ADGRA3: variants seen among roughly 807,000 people sequenced by gnomAD.
The protein encoded by ADGRA3 is G-protein coupled receptor 125.
A neutral mutation model predicts 119.8 loss-of-function variants in ADGRA3; 56 were observed. The ratio of observed to expected loss-of-function variants is 0.47; its 90% CI spans 0.38 to 0.58. The LOEUF (loss-of-function observed/expected upper bound fraction) is 0.58. Among genes scored for constraint, ADGRA3 ranks in the 20% least tolerant of loss-of-function variants. The probability of loss-of-function intolerance (pLI) is 0.00; values close to 1 mark genes in which losing one functional copy is unlikely to be tolerated. For synonymous variants in ADGRA3, 607 were observed against 623.8 expected (o/e 0.97, Z 0.40); for missense variants, 1,516 against 1,649.0 (o/e 0.92, Z 1.40).
Position 22,421,055 on chromosome 4 carries a change from A to G in ADGRA3, c.1640T>C (p.Ile547Thr), listed in dbSNP as rs1474425391. ...CATCCCCGTGAAGCCAGTAGACTTG[A>G]TGACATAAGCTTCCAGAGCAATATT... ...SPNIALEAYV[I>T]KSTGFTGMTC... Residue 547 changes from isoleucine to threonine, a missense_variant, in exon 12 of 19, where the codon ATC (isoleucine) becomes ACC (threonine). Around this residue, in one of 2 missense-constraint regions of ADGRA3, gnomAD observed 1,088 missense variants for 1,107.1 expected, o/e 0.98. Transcript: ENST00000334304. 6.2e-7 allele frequency: 1 copy of G among 1,614,032 alleles called. No individual in the cohort carries two copies. The highest frequency in any genetic ancestry group is 2.2e-5 in the East Asian group (1 of 44,882).
chr4:22,489,140 C>T (rs575499138), intron 1 of ADGRA3, among the ~76,000 whole-genome samples: 2 of 152,226 alleles, frequency 1.3e-5, no homozygotes, highest in South Asian at 4.1e-4. Flanking sequence ...AGGTGAAAGG[C>T]ACATCCTACA....
At chr4:22,494,314 T>C (rs1210775677) in intron 1 of ADGRA3, among the ~76,000 whole-genome samples, 1 of 151,900 alleles carries the variant, frequency 6.6e-6, no homozygotes, top group Non-Finnish European at 1.5e-5. Context: ...TTACTCTATA[T>C]GGTCTAAAAA....
intron 16 of ADGRA3, among the ~76,000 whole-genome samples, chr4:22,397,056 A>G (rs2109000217): frequency 6.6e-6 from 1 of 152,246 alleles, no homozygotes; most frequent in East Asian, 1.9e-4. Flanking sequence ...ATGCCTTCTA[A>G]TGTGCAGACA....
At chr4:22,502,484 G>A (rs1002017615) in intron 1 of ADGRA3, among the ~76,000 whole-genome samples, 1 of 152,136 alleles carries the variant, frequency 6.6e-6, no homozygotes, top group Admixed American at 6.5e-5. Context: ...GAAATAAGAG[G>A]TAAGGAAATG....
intron 1 of ADGRA3, among the ~76,000 whole-genome samples, chr4:22,511,899 T>TTTC: frequency 7.3e-6 from 1 of 136,454 alleles, no homozygotes; most frequent in Non-Finnish European, 1.6e-5. Context: ...TTCTTTCTTT[T>TTTC]TTTTTTTTTT....
chr4:22,430,425 G>C (rs1716115572), intron 10 of ADGRA3, among the ~76,000 whole-genome samples: 1 of 152,138 alleles, frequency 6.6e-6, no homozygotes, highest in Non-Finnish European at 1.5e-5. Flanking sequence ...TTGGGAACTA[G>C]AGCAAAGGTG....
intron 14 of ADGRA3, among the ~76,000 whole-genome samples, chr4:22,403,368 G>A (rs1299546135): frequency 6.6e-6 from 1 of 152,016 alleles, no homozygotes; most frequent in Admixed American, 6.6e-5. Context: ...TGTACAATCA[G>A]ATCATAACAA....
intron 1 of ADGRA3, among the ~76,000 whole-genome samples, chr4:22,487,834 C>T (rs573093522): frequency 6.6e-4 from 100 of 152,290 alleles, no homozygotes; most frequent in African/African-American, 2.3e-3. Flanking sequence ...AACCAAGAAA[C>T]TCTCTGAAGT....
At chr4:22,513,375 C>G (rs542126232) in intron 1 of ADGRA3, among the ~76,000 whole-genome samples, 1 of 150,208 alleles carries the variant, frequency 6.7e-6, no homozygotes, top group African/African-American at 2.5e-5. Flanking sequence ...AGGCTGGTCT[C>G]GAACTCCTGA....
chr4:22,409,178 A>C (rs2109017766), intron 14 of ADGRA3, among the ~76,000 whole-genome samples: 1 of 152,284 alleles, frequency 6.6e-6, no homozygotes, highest in East Asian at 1.9e-4. Context: ...TTTTGTAAAA[A>C]TATAACCAAT....
chr4:22,390,913 T>G (rs1714108532), intron 17 of ADGRA3, among the ~76,000 whole-genome samples: 1 of 152,100 alleles, frequency 6.6e-6, no homozygotes, highest in Admixed American at 6.6e-5. Flanking sequence ...CTCTCATTTC[T>G]CTTAATAGAA....
intron 1 of ADGRA3, among the ~76,000 whole-genome samples, chr4:22,512,155 C>A (rs1201220287): frequency 6.6e-6 from 1 of 151,982 alleles, no homozygotes; most frequent in Non-Finnish European, 1.5e-5. Context: ...CCCATCTCAA[C>A]CTCCCAAAGT....
At chr4:22,418,641 TGGA>T (rs1404594448) in intron 12 of ADGRA3, among the ~76,000 whole-genome samples, 3 of 152,162 alleles carry the variant, frequency 2.0e-5, no homozygotes, top group Non-Finnish European at 4.4e-5. Flanking sequence ...GAACAGTCTC[TGGA>T]GAGACATGAG....
Position 22,442,784 on chromosome 4 carries a change from G to C in ADGRA3, c.786C>G (p.Phe262Leu). Reference sequence around the variant, plus strand: ...GATCAATATATGAAGCCATGCACTGGAAAGGAAGGCTGTCTCCTTCAAACA... The same window carrying C: ...GATCAATATATGAAGCCATGCACTGCAAAGGAAGGCTGTCTCCTTCAAACA... ...QVVFEGDSLP[F>L]QCMASYIDQD... The change falls in exon 7 of 19, where the codon TTC becomes TTG. Residue 262 changes from phenylalanine to leucine, a missense_variant. Transcript: ENST00000334304. 6.2e-7 allele frequency: 1 copy of C among 1,611,934 alleles called. No homozygotes were observed. The highest frequency in any genetic ancestry group is 1.1e-5 in the South Asian group (1 of 91,020).
rs138033772 is a variant in ADGRA3 at position 22,392,434 on chromosome 4, A to G, written c.2627+111T>C. On this transcript the variant is annotated intron_variant, in intron 17 of 18. Transcript: ENST00000334304. ...TTTTCAAAACCAGGCAGTCCTGCAT[A>G]CAAGTCCGTTCTTTTACTTCCCAAA... 5.4e-4 allele frequency: 698 copies of G among 1,289,804 alleles called. 5 individuals are homozygous for G. The African/African-American group carries it at 8.6e-3, about 16-fold the overall frequency. The allele number at this position is 1,289,804 out of a possible 1,614,324, so 79.9% of individuals were successfully genotyped here.
intron 1 of ADGRA3, among the ~76,000 whole-genome samples, chr4:22,509,599 G>T (rs1218828379): frequency 6.6e-6 from 1 of 151,714 alleles, no homozygotes; most frequent in East Asian, 1.9e-4. Context: ...CTACTCCTCT[G>T]ATGCTAGGAC....
At chr4:22,463,648 C>T (rs1683732293) in intron 2 of ADGRA3, among the ~76,000 whole-genome samples, 1 of 152,342 alleles carries the variant, frequency 6.6e-6, no homozygotes, top group Non-Finnish European at 1.5e-5. Flanking sequence ...AAGTGAACTG[C>T]TATACATGGC....
intron 1 of ADGRA3, among the ~76,000 whole-genome samples, chr4:22,508,935 G>C (rs906534004): frequency 3.9e-5 from 6 of 152,020 alleles, no homozygotes; most frequent in African/African-American, 1.4e-4. Flanking sequence ...GAAGCAACGG[G>C]GCCAAAATTC....
intron 1 of ADGRA3, among the ~76,000 whole-genome samples, chr4:22,476,671 G>GT (rs537023927): frequency 1.5e-3 from 218 of 141,042 alleles, no homozygotes; most frequent in East Asian, 5.1e-3. Flanking sequence ...TCTGTTTTGG[G>GT]TTTTTTTTTT....
Sources: allele counts gnomAD v4.1 joint callset (sites outside exome capture counted in the v4.1 genomes callset), GRCh38; gene constraint gnomAD v4.1.1; regional missense constraint gnomAD v4.1.1; transcripts MANE v1.5; gene names NCBI Gene and HGNC (gene_info 2026-07-23, HGNC 2026-07-21).